ISCA1: variants seen among roughly 807,000 people sequenced by gnomAD.
The protein encoded by ISCA1 is iron-sulfur cluster assembly 1 homolog, mitochondrial.
Under a neutral mutation model 14.7 loss-of-function variants are expected in ISCA1, and 9 were observed. The observed-to-expected ratio is 0.61, with a 90% confidence interval of 0.37 to 1.07. The LOEUF (loss-of-function observed/expected upper bound fraction) is 1.07, where lower values mean the gene tolerates loss of function less well. Among genes scored for constraint, ISCA1 ranks in the 50% least tolerant of loss-of-function variants. ISCA1 has a pLI of 0.01. For missense variants in ISCA1, 102 were observed against 150.1 expected (o/e 0.68, Z 1.67); for synonymous variants, 38 against 54.3 (o/e 0.70, Z 1.32).
intron 1 of ISCA1, chr9:86,281,984 C>T: frequency 5.1e-6 from 1 of 196,214 alleles, no homozygotes; most frequent in Non-Finnish European, 1.1e-5. Context: ...GGCTAGGACT[C>T]CGGGCCACCA....
chr9:86,274,305 G>T, intron 1 of ISCA1, 63 bp from the exon 2 acceptor site: 1 of 1,047,022 alleles, frequency 9.6e-7, no homozygotes, highest in Non-Finnish European at 1.5e-6. Flanking sequence ...ATATTTATCA[G>T]TCTTCGTAAG....
chr9:86,266,397 A>T (rs1279695722), intron 3 of ISCA1, among the ~76,000 whole-genome samples: 1 of 152,202 alleles, frequency 6.6e-6, no homozygotes, highest in African/African-American at 2.4e-5. Flanking sequence ...TCACAATCAC[A>T]TTAGGGGAGA....
At chr9:86,278,952 C>T (rs1384485614) in intron 1 of ISCA1, among the ~76,000 whole-genome samples, 2 of 152,178 alleles carry the variant, frequency 1.3e-5, no homozygotes, top group East Asian at 3.8e-4. Flanking sequence ...TGACTACATC[C>T]TTCACCAACA....
rs1464621481 is a variant in ISCA1, at chr9:86,265,310, C to G, written c.*733G>C. 1.3e-5 allele frequency: 2 copies of G among 152,172 alleles called. No individual in the cohort carries two copies. The highest frequency in any genetic ancestry group is 4.8e-5 in the African/African-American group (2 of 41,430). The allele number at this position is 152,172 out of a possible 1,614,324, so 9.4% of individuals were successfully genotyped here. On this transcript the variant is annotated 3_prime_UTR_variant, in exon 4 of 4. Coordinates refer to ENST00000375991, the MANE Select transcript of ISCA1 (RefSeq NM_030940.4). ...GTCAGGGTGGACAGGAGCCCTTTGG[C>G]TTCCCTGGGGTTTTGCTTCCTCACA...
At chr9:86,269,027 C>T (rs1225165353) in intron 3 of ISCA1, among the ~76,000 whole-genome samples, 4 of 152,072 alleles carry the variant, frequency 2.6e-5, no homozygotes, top group Non-Finnish European at 4.4e-5. Context: ...AACTCCTGAC[C>T]TCATGATCCA....
chr9:86,275,912 C>T (rs1001622401), intron 1 of ISCA1, among the ~76,000 whole-genome samples: 3 of 152,140 alleles, frequency 2.0e-5, no homozygotes, highest in African/African-American at 4.8e-5. Flanking sequence ...TTTTAAAGTG[C>T]TCATTACCCT....
chr9:86,276,896 A>AAAAAAAT lies in ISCA1; in HGVS notation c.82-2655_82-2654insATTTTTT, dbSNP rs1825444855. Reference sequence around the variant, plus strand: ...AAAAAAAAAAAAAAAAAAAAAAAAAAGGCATAGCCATGGAAAATATCCGCG... The same window carrying AAAAAAAT: ...AAAAAAAAAAAAAAAAAAAAAAAAAAAAAAAATGGCATAGCCATGGAAAATATCCGCG... On this transcript the variant is annotated intron_variant, in intron 1 of 3. Transcript: ENST00000375991. Among the ~76,000 whole-genome samples the AAAAAAAT allele has an allele frequency of 3.4e-5, 5 of 147,084 alleles. 1 individual carries two copies. The highest frequency in any genetic ancestry group is 5.1e-5 in the African/African-American group (2 of 38,908).
At chr9:86,274,366 G>T in intron 1 of ISCA1, 124 bp from the exon 2 acceptor site, 1 of 654,812 alleles carries the variant, frequency 1.5e-6, no homozygotes, top group Non-Finnish European at 2.7e-6. Flanking sequence ...TCTTGCCAGG[G>T]TACCTTATGG....
chr9:86,280,594 C>CAAAAAA (rs59525482), intron 1 of ISCA1, among the ~76,000 whole-genome samples: 1 of 97,872 alleles, frequency 1.0e-5, no homozygotes, highest in African/African-American at 3.8e-5. Context: ...AACCCTGTCT[C>CAAAAAA]AAAAAAAAAA....
intron 3 of ISCA1, among the ~76,000 whole-genome samples, chr9:86,271,765 CTATT>C (rs1287886135): frequency 6.6e-6 from 1 of 152,186 alleles, no homozygotes; most frequent in Non-Finnish European, 1.5e-5. Flanking sequence ...TGACCTTAAA[CTATT>C]TAACCCCTCT....
intron 3 of ISCA1, chr9:86,267,266 C>G (rs903622328): frequency 2.8e-5 from 22 of 795,484 alleles, no homozygotes; most frequent in Non-Finnish European, 3.3e-5. Context: ...AAACTTTCTT[C>G]CTTACAAGAA....
rs1825284298 is a variant in ISCA1 at position 86,265,597 on chromosome 9, T to C, written c.*446A>G. 5.0e-6 allele frequency: 1 copy of C among 199,604 alleles called. No homozygotes were observed. Among genetic ancestry groups the C allele is most frequent in the African/African-American group, 2.4e-5 (1 of 42,324 alleles). The allele number at this position is 199,604 out of a possible 1,614,324, so 12.4% of individuals were successfully genotyped here. On this transcript the variant is annotated 3_prime_UTR_variant, in exon 4 of 4. Transcript: ENST00000375991. ...CAATGAAATTTTTCATAAAAATGTA[T>C]AAAAAGGCTATGTTAAGTTTGGGTG...
intron 1 of ISCA1, among the ~76,000 whole-genome samples, chr9:86,278,495 T>C (rs1825469216): frequency 6.6e-6 from 1 of 151,694 alleles, no homozygotes; most frequent in African/African-American, 2.4e-5. Context: ...CAAGACCCTG[T>C]CTCTACAATA....
chr9:86,267,601 T>A, intron 3 of ISCA1: 1 of 869,338 alleles, frequency 1.2e-6, no homozygotes, highest in Non-Finnish European at 1.4e-6. Context: ...TAAATTATAA[T>A]AAATAGCTTT....
At chr9:86,272,760 C>T (rs1216254453) in intron 2 of ISCA1, among the ~76,000 whole-genome samples, 1 of 152,170 alleles carries the variant, frequency 6.6e-6, no homozygotes, top group African/African-American at 2.4e-5. Flanking sequence ...AATGGCACTG[C>T]ATTTGTATAT....
At chr9:86,271,917 G>C in intron 3 of ISCA1, 90 bp downstream of exon 3, 1 of 708,640 alleles carries the variant, frequency 1.4e-6, no homozygotes, top group South Asian at 1.6e-5. Flanking sequence ...CATAATTCCT[G>C]CTACTATCCT....
intron 2 of ISCA1, among the ~76,000 whole-genome samples, chr9:86,273,977 A>C (rs928918081): frequency 6.6e-6 from 1 of 152,232 alleles, no homozygotes; most frequent in Non-Finnish European, 1.5e-5. Context: ...TGCTTCTTGG[A>C]AGGAAGAATG....
At chr9:86,267,584 T>C (rs1301762924) in intron 3 of ISCA1, 2 of 876,052 alleles carry the variant, frequency 2.3e-6, no homozygotes, top group Non-Finnish European at 1.4e-6. Flanking sequence ...TAATTTTAAT[T>C]ATAAATTAAA....
intron 1 of ISCA1, among the ~76,000 whole-genome samples, chr9:86,281,546 A>G (rs1373863770): frequency 6.6e-6 from 1 of 152,214 alleles, no homozygotes; most frequent in African/African-American, 2.4e-5. Context: ...GTTGCACGAC[A>G]CTGTGAATGT....
Sources: allele counts gnomAD v4.1 joint callset (sites outside exome capture counted in the v4.1 genomes callset), GRCh38; gene constraint gnomAD v4.1.1; transcripts MANE v1.5; gene names NCBI Gene and HGNC (gene_info 2026-07-23, HGNC 2026-07-21).